Variants in RANBP17 observed in about 807,000 individuals in gnomAD.
RANBP17 encodes the protein RAN binding protein 17.
Under a neutral mutation model 141.2 loss-of-function variants are expected in RANBP17, and 158 were observed. The ratio of observed to expected loss-of-function variants is 1.12; its 90% CI spans 0.98 to 1.28. The LOEUF is 1.28. Among genes scored for constraint, RANBP17 ranks in the 50% most tolerant of loss-of-function variants. The pLI is 0.00. For missense variants in RANBP17, 1,438 were observed against 1,290.7 expected (o/e 1.11, Z -1.75); for synonymous variants, 430 against 450.0 (o/e 0.96, Z 0.56).
intron 1 of RANBP17, among the ~76,000 whole-genome samples, chr5:170,865,530 A>C (rs1767177042): frequency 6.6e-6 from 1 of 152,202 alleles, no homozygotes; most frequent in Admixed American, 6.5e-5. Context: ...TCGCATTCCC[A>C]GAGCAGCTTG....
At chr5:171,092,786 G>A (rs1561646345) in intron 14 of RANBP17, among the ~76,000 whole-genome samples, 2 of 152,164 alleles carry the variant, frequency 1.3e-5, no homozygotes, top group Non-Finnish European at 2.9e-5. Flanking sequence ...CCATAGTAAT[G>A]AAGAAACCTG....
intron 24 of RANBP17, chr5:171,252,692 C>T: frequency 6.9e-7 from 1 of 1,452,122 alleles, no homozygotes; most frequent in Admixed American, 1.7e-5. Flanking sequence ...GGTGATGCCA[C>T]CAATCCAGAC....
chr5:170,999,125 C>T (rs2127574660), intron 14 of RANBP17, among the ~76,000 whole-genome samples: 1 of 151,966 alleles, frequency 6.6e-6, no homozygotes. Flanking sequence ...ATGATTTTAG[C>T]TAATTATTAT....
At chr5:171,020,595 C>G (rs1561994864) in intron 14 of RANBP17, among the ~76,000 whole-genome samples, 1 of 145,546 alleles carries the variant, frequency 6.9e-6, no homozygotes, top group Non-Finnish European at 1.5e-5. Flanking sequence ...GTAACCCCTG[C>G]TTTTTTTTTT....
intron 14 of RANBP17, among the ~76,000 whole-genome samples, chr5:171,044,014 T>C (rs1782418253): frequency 6.6e-6 from 1 of 152,138 alleles, no homozygotes; most frequent in South Asian, 2.1e-4. Context: ...AAAATAAAAG[T>C]GCCTGTTTGA....
intron 3 of RANBP17, among the ~76,000 whole-genome samples, chr5:170,889,767 G>T (rs1463737505): frequency 1.3e-5 from 2 of 152,016 alleles, no homozygotes; most frequent in Non-Finnish European, 2.9e-5. Flanking sequence ...TGTTTGTTGT[G>T]GTTGTTGTTC....
intron 14 of RANBP17, among the ~76,000 whole-genome samples, chr5:171,062,224 C>T (rs1247474983): frequency 6.6e-6 from 1 of 152,020 alleles, no homozygotes; most frequent in Non-Finnish European, 1.5e-5. Flanking sequence ...GGTGATTTTG[C>T]TCGTTAGTTG....
chr5:171,273,970 A>T (rs1234973187), intron 25 of RANBP17, among the ~76,000 whole-genome samples: 1 of 152,158 alleles, frequency 6.6e-6, no homozygotes, highest in African/African-American at 2.4e-5. Context: ...GGGCCATTTT[A>T]TCACTTTTGG....
chr5:170,906,038 A>T (rs1771051916), intron 5 of RANBP17, among the ~76,000 whole-genome samples: 1 of 152,046 alleles, frequency 6.6e-6, no homozygotes, highest in East Asian at 1.9e-4. Context: ...ACTGACGCTA[A>T]GTTGCTAACA....
At chr5:171,184,339 G>C (rs1761083924) in intron 18 of RANBP17, among the ~76,000 whole-genome samples, 1 of 152,180 alleles carries the variant, frequency 6.6e-6, no homozygotes, top group African/African-American at 2.4e-5. Flanking sequence ...CCACAGTGTG[G>C]ATGAACCTGG....
At position 170,878,262 on chromosome 5, in the gene RANBP17, T is replaced by C. The variant is rs914442001; in HGVS notation, c.165+19T>C. 3.8e-6 allele frequency: 6 copies of C among 1,589,510 alleles called. No individual in the cohort carries two copies. Among genetic ancestry groups the C allele is most frequent in the Non-Finnish European group, 5.1e-6 (6 of 1,165,670 alleles). ...AGGAACAGTAAGTATTTGGTAACAA[T>C]GATTAACCATGAAAGATCAGTAGAT... On this transcript the variant is annotated intron_variant, in intron 2 of 27. Transcript: ENST00000523189.
chr5:171,229,863 C>G (rs1764103446), intron 22 of RANBP17, among the ~76,000 whole-genome samples: 1 of 150,142 alleles, frequency 6.7e-6, no homozygotes, highest in South Asian at 2.1e-4. Context: ...GTTGGGAGTT[C>G]AAGACCAGCC....
intron 18 of RANBP17, among the ~76,000 whole-genome samples, chr5:171,186,526 C>CTT (rs757585137): frequency 0.021 from 865 of 41,618 alleles, 278 homozygotes; most frequent in Non-Finnish European, 0.024. Context: ...GTATGATTTT[C>CTT]TTTTTTTTTT....
At chr5:171,027,034 A>G (rs996300138) in intron 14 of RANBP17, among the ~76,000 whole-genome samples, 15 of 151,784 alleles carry the variant, frequency 9.9e-5, no homozygotes, top group Admixed American at 7.2e-4. Context: ...TCCTCATGAG[A>G]CTCTAATGCC....
At chr5:170,998,459 A>T (rs1581354172) in intron 14 of RANBP17, among the ~76,000 whole-genome samples, 1 of 152,230 alleles carries the variant, frequency 6.6e-6, no homozygotes, top group East Asian at 1.9e-4. Flanking sequence ...GATTGTGGTT[A>T]GACTCTACAT....
At chr5:171,225,331 A>G (rs1054760856) in intron 22 of RANBP17, among the ~76,000 whole-genome samples, 3 of 152,272 alleles carry the variant, frequency 2.0e-5, no homozygotes, top group African/African-American at 7.2e-5. Flanking sequence ...TGACTTTGAC[A>G]GTGACTTTGA....
Position 171,298,985 on chromosome 5 carries a change from G to T in RANBP17, c.*127G>T, listed in dbSNP as rs1044997. 1 of 610,346 alleles carries T rather than the reference G, an allele frequency of 1.6e-6. No homozygotes were observed. Among genetic ancestry groups the T allele is most frequent in the African/African-American group, 1.8e-5 (1 of 54,304 alleles). 37.8% of individuals were successfully genotyped at this position (610,346 alleles called of 1,614,324 possible). On this transcript the variant is annotated 3_prime_UTR_variant, in exon 28 of 28. Transcript: ENST00000523189. ...TCAAAACATACAAGCAACAGCAAAA[G>T]CCCTAACTTCTTATACGTCTAGCCT... is the stretch of plus-strand genomic sequence containing the variant.
intron 14 of RANBP17, among the ~76,000 whole-genome samples, chr5:170,990,859 T>TA (rs1778459818): frequency 6.6e-6 from 1 of 151,948 alleles, no homozygotes; most frequent in Non-Finnish European, 1.5e-5. Context: ...TAGTGGTCAC[T>TA]AAACTCCTCT....
intron 1 of RANBP17, among the ~76,000 whole-genome samples, chr5:170,865,469 A>G (rs555855660): frequency 3.3e-5 from 5 of 152,170 alleles, no homozygotes; most frequent in Non-Finnish European, 7.4e-5. Context: ...CTGTTGGACC[A>G]GTGGTTTTCA....
Sources: allele counts gnomAD v4.1 joint callset (sites outside exome capture counted in the v4.1 genomes callset), GRCh38; gene constraint gnomAD v4.1.1; transcripts MANE v1.5; gene names NCBI Gene and HGNC (gene_info 2026-07-23, HGNC 2026-07-21).